Variants in CA5A observed in about 807,000 individuals in gnomAD.
The protein encoded by CA5A is carbonic anhydrase 5A, mitochondrial.
CA5A carries 28 observed loss-of-function variants against 37.1 expected under a neutral mutation model. The observed-to-expected ratio is 0.75, with a 90% CI of 0.56 to 1.03. CA5A has a LOEUF of 1.03. Ranked by LOEUF, CA5A falls within the 50% of genes least tolerant of loss-of-function variation. The pLI, the probability that CA5A is intolerant of heterozygous loss-of-function variation, is 0.00. For missense variants in CA5A, 444 were observed against 399.9 expected, an observed-to-expected ratio of 1.11 and a Z score of -0.94; for synonymous variants, 171 against 158.4, an observed-to-expected ratio of 1.08 and a Z score of -0.60.
At chr16:87,915,731 A>T (rs370482803) in intron 2 of CA5A, among the ~76,000 whole-genome samples, 29 of 147,286 alleles carry the variant, frequency 2.0e-4, no homozygotes, top group African/African-American at 6.2e-4. Flanking sequence ...ACTATTGTTT[A>T]TGCCATCACC....
At chr16:87,899,443 C>T (rs1342411090) in intron 5 of CA5A, among the ~76,000 whole-genome samples, 1 of 150,784 alleles carries the variant, frequency 6.6e-6, no homozygotes, top group East Asian at 2.0e-4. Flanking sequence ...GCTGGGATTA[C>T]AGGCACCCGC....
At chr16:87,918,855 T>A (rs2056191751) in intron 2 of CA5A, among the ~76,000 whole-genome samples, 1 of 151,776 alleles carries the variant, frequency 6.6e-6, no homozygotes, top group African/African-American at 2.4e-5. Context: ...GGACAGAAAA[T>A]CTGTGAAGGA....
intron 2 of CA5A, among the ~76,000 whole-genome samples, chr16:87,916,121 T>C (rs1234692160): frequency 6.9e-6 from 1 of 145,292 alleles, no homozygotes; most frequent in South Asian, 2.2e-4. Flanking sequence ...TGAGCAGAGA[T>C]CGCGCCACTG....
At chr16:87,929,871 C>CA (rs58941982) in intron 1 of CA5A, among the ~76,000 whole-genome samples, 3,779 of 62,222 alleles carry the variant, frequency 0.061, 636 homozygotes, top group Middle Eastern at 0.16. Context: ...GACTCCGTCT[C>CA]AAAAAAAAAA....
intron 2 of CA5A, among the ~76,000 whole-genome samples, chr16:87,905,898 G>T (rs1448072936): frequency 6.6e-6 from 1 of 152,194 alleles, no homozygotes; most frequent in Non-Finnish European, 1.5e-5. Flanking sequence ...TGACATGTGG[G>T]GCTCAGCCAT....
intron 1 of CA5A, among the ~76,000 whole-genome samples, chr16:87,929,879 A>AAAAT (rs1162248004): frequency 1.3e-5 from 2 of 150,620 alleles, no homozygotes; most frequent in Non-Finnish European, 3.0e-5. Flanking sequence ...CTCAAAAAAA[A>AAAAT]AAAAAAAAAA....
At chr16:87,915,677 A>G (rs1194741256) in intron 2 of CA5A, among the ~76,000 whole-genome samples, 2 of 137,558 alleles carry the variant, frequency 1.5e-5, no homozygotes, top group Non-Finnish European at 3.1e-5. Context: ...CGACAGAGCA[A>G]GATCCTGTCT....
intron 5 of CA5A, among the ~76,000 whole-genome samples, chr16:87,896,232 C>T (rs2055800490): frequency 6.6e-6 from 1 of 152,246 alleles, no homozygotes; most frequent in Non-Finnish European, 1.5e-5. Context: ...CTCTTCCTTC[C>T]CTCCCCAAGG....
Position 87,917,054 on chromosome 16 carries a change from A to G in CA5A, c.340+9694T>C, listed in dbSNP as rs371938656. Among the ~76,000 whole-genome samples, 455 of 151,336 alleles carry G rather than the reference A, an allele frequency of 3.0e-3. 1 individual carries two copies. Among genetic ancestry groups the G allele is most frequent in the Non-Finnish European group, 5.1e-3 (344 of 67,778 alleles). The stretch of plus-strand genomic sequence containing the variant: ...CGGGAGGCGGAGGTTGCAGTGAGCC[A>G]AGACAGCTCCACTGCACTCCAGCCT... On this transcript the variant is annotated intron_variant, in intron 2 of 6. Transcript: ENST00000649794.
chr16:87,913,305 C>CTTTTTTTTTTTTT (rs56257660), intron 2 of CA5A, among the ~76,000 whole-genome samples: 1 of 133,332 alleles, frequency 7.5e-6, no homozygotes, highest in African/African-American at 3.1e-5. Flanking sequence ...ATGTTCCAGT[C>CTTTTTTTTTTTTT]TTTTTTTTTT....
rs556499632 is a variant in CA5A at position 87,917,392 on chromosome 16, C to T, written c.340+9356G>A. Among the ~76,000 whole-genome samples the T allele has an allele frequency of 2.6e-5, 4 of 152,310 alleles. No homozygotes were observed. The South Asian group carries it at 8.3e-4, about 32-fold the overall frequency. On this transcript the variant is annotated intron_variant, in intron 2 of 6. Transcript: ENST00000649794. ...AACAGGAACAGTGGCTCCCCAGTGGCTGAATCTCTAACAGGTAAACTTTGG... is the reference window on the plus strand; with the variant it reads ...AACAGGAACAGTGGCTCCCCAGTGGTTGAATCTCTAACAGGTAAACTTTGG...
intron 2 of CA5A, among the ~76,000 whole-genome samples, chr16:87,909,558 A>G (rs577928588): frequency 2.0e-5 from 3 of 152,328 alleles, no homozygotes; most frequent in Admixed American, 2.0e-4. Context: ...AGTTCGGTGA[A>G]GAGCAACGTA....
chr16:87,924,149 C>T lies in CA5A; in HGVS notation c.340+2599G>A, dbSNP rs907890128. The T allele has an allele frequency of 1.0e-5, 10 of 985,304 alleles. No individual in the cohort carries two copies. The African/African-American group carries it at 1.6e-4, about 15-fold the overall frequency. The allele number at this position is 985,304 out of a possible 1,614,324, so 61.0% of individuals were successfully genotyped here. A position where few individuals can be genotyped will look rare whatever the true frequency, so the allele number is the denominator to read the frequency against. The stretch of plus-strand genomic sequence containing the variant: ...CCCAAGATCTGGTTGTCCCACTTTC[C>T]CTCTTCTTCTCCGAGCTGGTCTTGT... On this transcript the variant is annotated intron_variant, in intron 2 of 6. Coordinates refer to ENST00000649794, the MANE Select transcript of CA5A (RefSeq NM_001739.2).
chr16:87,932,110 G>A (rs1214418686), intron 1 of CA5A, among the ~76,000 whole-genome samples: 7 of 151,634 alleles, frequency 4.6e-5, no homozygotes, highest in African/African-American at 1.5e-4. Context: ...GGCAGACTCC[G>A]TCTAAGAAAA....
At chr16:87,914,416 G>A (rs1597569800) in intron 2 of CA5A, among the ~76,000 whole-genome samples, 1 of 152,244 alleles carries the variant, frequency 6.6e-6, no homozygotes, top group African/African-American at 2.4e-5. Context: ...CTCAGGGGGT[G>A]CTAGCCACGC....
intron 1 of CA5A, among the ~76,000 whole-genome samples, chr16:87,928,104 C>A (rs59096140): frequency 6.6e-6 from 1 of 152,126 alleles, no homozygotes; most frequent in South Asian, 2.1e-4. Context: ...AGAGGCCTGG[C>A]GTGTCCTGTG....
At chr16:87,902,290 G>T in intron 4 of CA5A, 135 bp downstream of exon 4, 1 of 641,462 alleles carries the variant, frequency 1.6e-6, no homozygotes, top group South Asian at 1.9e-5. Context: ...GGAGGTGCAG[G>T]TTGCAATGAG....
At chr16:87,934,916 C>A (rs1223451823) in intron 1 of CA5A, among the ~76,000 whole-genome samples, 1 of 152,238 alleles carries the variant, frequency 6.6e-6, no homozygotes, top group Non-Finnish European at 1.5e-5. Flanking sequence ...GCCGAGATCG[C>A]ACCACTGCAC....
At chr16:87,921,162 C>T (rs9674139) in intron 2 of CA5A, among the ~76,000 whole-genome samples, 2,018 of 152,286 alleles carry the variant, frequency 0.013, 51 homozygotes, top group African/African-American at 0.046. Flanking sequence ...CTCCTGACCT[C>T]AAGCAATCCA....
Sources: allele counts gnomAD v4.1 joint callset (sites outside exome capture counted in the v4.1 genomes callset), GRCh38; gene constraint gnomAD v4.1.1; transcripts MANE v1.5; gene names NCBI Gene and HGNC (gene_info 2026-07-23, HGNC 2026-07-21).